The following ZMYM3 variants were observed in gnomAD, a reference collection of about 807,000 sequenced individuals.
ZMYM3 encodes zinc finger MYM-type containing 3.
A neutral mutation model predicts 94.2 loss-of-function variants in ZMYM3; 6 were observed. The ratio of observed to expected loss-of-function variants is 0.06; its 90% CI spans 0.03 to 0.13. The LOEUF (loss-of-function observed/expected upper bound fraction) is 0.13, where lower values mean the gene tolerates loss of function less well. Ranked by LOEUF, ZMYM3 falls within the 10% of genes least tolerant of loss-of-function variation. The pLI is 1.00. For synonymous variants in ZMYM3, 420 were observed against 426.5 expected (o/e 0.98, Z 0.19); for missense variants, 664 against 1,132.6 (o/e 0.59, Z 5.94).
chrX:71,254,624 C>A (rs1347630562), upstream of ZMYM3: 3 of 108,234 alleles, frequency 2.8e-5, no homozygotes, highest in Non-Finnish European at 5.8e-5. Flanking sequence ...CTCGTGTTCA[C>A]CCCCTCGGCG....
intron 2 of ZMYM3, chrX:71,252,001 G>A (rs1344979039): frequency 3.0e-6 from 1 of 336,170 alleles, no homozygotes; most frequent in African/African-American, 2.9e-5. Context: ...GGTTATATAA[G>A]CCCTAAGACC....
intron 6 of ZMYM3, 84 bp downstream of exon 6, chrX:71,249,942 G>A: frequency 9.1e-7 from 1 of 1,101,634 alleles, no homozygotes; most frequent in Non-Finnish European, 1.2e-6. Context: ...TTTCCACAGG[G>A]CCTGGACCCT....
chrX:71,249,602 G>C lies in ZMYM3; in HGVS notation c.1329C>G (p.Asn443Lys), dbSNP rs1318004724. The C allele has an allele frequency of 8.3e-7, 1 of 1,211,686 alleles. No individual in the cohort carries two copies. Among genetic ancestry groups the C allele is most frequent in the East Asian group, 3.0e-5 (1 of 33,853 alleles). The change falls in exon 7 of 25, where the codon AAC becomes AAG. Residue 443 changes from asparagine to lysine, a missense_variant. By Grantham distance (94) the Asn-to-Lys change is moderately conservative. This residue lies in a region of ZMYM3 where 159 missense variants were observed against 313.0 expected (regional missense o/e 0.51). Transcript: ENST00000314425. Reference sequence around the variant, plus strand: ...CACAACAGTTGGTTTTCAGTCCCTTGTTGGCCCGGAATTTGGAGAAGCAAG... The same window carrying C: ...CACAACAGTTGGTTTTCAGTCCCTTCTTGGCCCGGAATTTGGAGAAGCAAG... ...SDSCFSKFRANKGLKTNCCDQ... is the reference protein window; with the variant it reads ...SDSCFSKFRAKKGLKTNCCDQ...
intron 11 of ZMYM3, 85 bp from the exon 12 acceptor site, chrX:71,247,991 G>A: frequency 9.1e-7 from 1 of 1,099,635 alleles, no homozygotes; most frequent in Non-Finnish European, 1.2e-6. Context: ...TGCTATACCT[G>A]AAACCTCTCT....
chrX:71,250,316 C>G, intron 5 of ZMYM3, 113 bp from the exon 6 acceptor site: 1 of 1,086,958 alleles, frequency 9.2e-7, no homozygotes, highest in Non-Finnish European at 1.2e-6. Flanking sequence ...GACTCTCTCC[C>G]TACATCACTC....
At chrX:71,251,537 T>C (rs1359967193) in intron 3 of ZMYM3, 21 bp downstream of exon 3, 1 of 1,182,763 alleles carries the variant, frequency 8.5e-7, no homozygotes, top group African/African-American at 1.8e-5. Context: ...ACCAGACTCC[T>C]TCCAATCCCC....
Position 71,240,852 on chromosome X carries a change from C to T in ZMYM3, c.*64G>A, listed in dbSNP as rs2029912847. ...GTAGCATTGGTTCCTGGGCCTGTCA[C>T]CCTGAGGGACATGGCCACAGGACAG... On this transcript the variant is annotated 3_prime_UTR_variant, in exon 25 of 25. Coordinates refer to ENST00000314425, the MANE Select transcript of ZMYM3 (RefSeq NM_201599.3). The T allele has an allele frequency of 2.6e-6, 3 of 1,135,118 alleles. No individual in the cohort carries two copies. In the African/African-American group the frequency reaches 5.4e-5, roughly 20 times the overall value. The allele number at this position is 1,135,118 out of a possible 1,213,427, so 93.5% of individuals were successfully genotyped here. A position where few individuals can be genotyped will look rare whatever the true frequency, so the allele number is the denominator to read the frequency against.
intron 18 of ZMYM3, among the ~76,000 whole-genome samples, chrX:71,245,109 T>C (rs2030106459): frequency 2.0e-5 from 2 of 98,126 alleles, no homozygotes; most frequent in Admixed American, 1.2e-4. Flanking sequence ...ATTTTATGTT[T>C]TTTTTCAGCT....
intron 4 of ZMYM3, among the ~76,000 whole-genome samples, 157 bp from the exon 5 acceptor site, chrX:71,250,883 C>G (rs1210380967): frequency 9.0e-6 from 1 of 111,609 alleles, no homozygotes. Context: ...TGGTGTCTCT[C>G]TCCCTTGGTT....
chrX:71,244,639 G>A, intron 19 of ZMYM3, 151 bp downstream of exon 19: 1 of 772,327 alleles, frequency 1.3e-6, no homozygotes, highest in Admixed American at 3.3e-5. Context: ...GTGAGATGGG[G>A]GGAGAGCAAA....
Position 71,252,786 on chromosome X carries a change from A to G in ZMYM3, c.470T>C (p.Ile157Thr). The change falls in exon 2 of 25, where the codon ATT becomes ACT. Residue 157 changes from isoleucine to threonine, a missense_variant. Transcript: ENST00000314425. ...TATGGAGGTGGTCTCCTCCTCTTCA[A>G]TATGTGGGGACTGCAGTGTTATTGG... ...DSPITLQSPH[I>T]EEEETTSIAT... The G allele has an allele frequency of 2.5e-6, 3 of 1,211,457 alleles. No homozygotes were observed. The highest frequency in any genetic ancestry group is 3.4e-6 in the Non-Finnish European group (3 of 895,382).
At position 71,240,740 on chromosome X, in the gene ZMYM3, T is replaced by A; in HGVS notation, c.*176A>T. 3 of 453,842 alleles carry A rather than the reference T, an allele frequency of 6.6e-6. No individual in the cohort carries two copies. The highest frequency in any genetic ancestry group is 7.2e-6 in the Non-Finnish European group (2 of 277,179). The allele number at this position is 453,842 out of a possible 1,213,427, so 37.4% of individuals were successfully genotyped here. A position where few individuals can be genotyped will look rare whatever the true frequency, so the allele number is the denominator to read the frequency against. ...AGACCAGGGCCCCATGGTTGTCAAG[T>A]GGTACGGAAGAAGATAAAAGCCAGG... On this transcript the variant is annotated 3_prime_UTR_variant, in exon 25 of 25. Transcript: ENST00000314425.
At chrX:71,251,088 A>T (rs2030443035) in intron 4 of ZMYM3, 90 bp downstream of exon 4, 1 of 939,364 alleles carries the variant, frequency 1.1e-6, no homozygotes, top group Non-Finnish European at 1.5e-6. Flanking sequence ...GGACGGCAGG[A>T]GCTAGAAGAT....
chrX:71,246,555 C>G (rs1449631002), intron 14 of ZMYM3, 40 bp downstream of exon 14: 1 of 1,203,756 alleles, frequency 8.3e-7, no homozygotes, highest in East Asian at 3.0e-5. Context: ...CCGCCGTACC[C>G]TCCTCTGAGA....
Position 71,247,258 on chromosome X carries a change from C to T in ZMYM3, c.2314+87G>A, listed in dbSNP as rs772116650. 7.7e-5 allele frequency: 74 copies of T among 962,676 alleles called. No homozygotes were observed. In the African/African-American group the frequency reaches 1.3e-3, roughly 17 times the overall value. 79.3% of individuals were successfully genotyped at this position (962,676 alleles called of 1,213,427 possible). A position where few individuals can be genotyped will look rare whatever the true frequency, so the allele number is the denominator to read the frequency against. ...CCTATCTGGCCAGGGGTGAGCTGAACGCAAGAGGAAGGAGAAAGGGGCTAG... is the reference window on the plus strand; with the variant it reads ...CCTATCTGGCCAGGGGTGAGCTGAATGCAAGAGGAAGGAGAAAGGGGCTAG... On this transcript the variant is annotated intron_variant, in intron 13 of 24. Transcript: ENST00000314425.
intron 18 of ZMYM3, 129 bp downstream of exon 18, chrX:71,245,210 G>A: frequency 2.2e-6 from 2 of 924,509 alleles, no homozygotes; most frequent in Non-Finnish European, 2.9e-6. Flanking sequence ...ACTGCTCCCT[G>A]TGAGAACCTT....
At chrX:71,242,938 C>A (rs376238683) in intron 22 of ZMYM3, 32 bp downstream of exon 22, 1 of 1,140,140 alleles carries the variant, frequency 8.8e-7, no homozygotes, top group Admixed American at 2.2e-5. Flanking sequence ...ATGGAGAAAG[C>A]GGGTAGGGGT....
In ZMYM3 at chrX:71,250,480, G is replaced by A. The variant is rs1300518166; in HGVS notation, c.1025C>T (p.Thr342Ile). The A allele has an allele frequency of 8.3e-7, 1 of 1,210,103 alleles. No individual in the cohort carries two copies. The highest frequency in any genetic ancestry group is 1.1e-6 in the Non-Finnish European group (1 of 895,118). Residue 342 changes from threonine to isoleucine, a missense_variant, in exon 5 of 25, where the codon ACT (threonine) becomes ATT (isoleucine). Physicochemically the swap from Thr to Ile is moderately conservative, Grantham distance 89. Transcript: ENST00000314425. Reference protein sequence around the residue: ...QLFCSSSCLTTFSKKPSGKKT... With the variant: ...QLFCSSSCLTIFSKKPSGKKT... ...TTTGCCCGAGGGCTTCTTGGAGAAA[G>A]TGGTGAGGCAGGATGACGAGCAGAA...
At chrX:71,251,534 T>C in intron 3 of ZMYM3, 24 bp downstream of exon 3, 1 of 1,179,700 alleles carries the variant, frequency 8.5e-7, no homozygotes, top group Admixed American at 2.4e-5. Context: ...GGAACCAGAC[T>C]CCTTCCAATC....
Sources: gnomAD v4.1 joint callset for allele counts (sites outside exome capture counted in the v4.1 genomes callset) on GRCh38, gnomAD v4.1.1 for gene constraint, gnomAD v4.1.1 regional missense constraint, MANE v1.5 for transcripts, NCBI Gene and HGNC (gene_info 2026-07-23, HGNC 2026-07-21) for gene names.